Variants in PCSK5 observed in about 807,000 individuals in gnomAD.
The protein encoded by PCSK5 is proprotein convertase subtilisin/kexin type 5.
In PCSK5, 129 loss-of-function variants were observed where a neutral mutation model predicts 233.2. The observed-to-expected ratio is 0.55, with a 90% CI of 0.48 to 0.64. The LOEUF is 0.64. PCSK5 is among the 30% of genes least tolerant of loss of function. The pLI, the probability that PCSK5 is intolerant of heterozygous loss-of-function variation, is 0.00. For missense variants in PCSK5, 2,076 were observed against 2,430.1 expected (o/e 0.85, Z 3.06); for synonymous variants, 825 against 879.2 (o/e 0.94, Z 1.09).
At chr9:76,140,431 A>G (rs1823163149) in intron 10 of PCSK5, among the ~76,000 whole-genome samples, 1 of 152,086 alleles carries the variant, frequency 6.6e-6, no homozygotes, top group Non-Finnish European at 1.5e-5. Flanking sequence ...ATTGAATGAA[A>G]AGTGCTTTGA....
chr9:76,333,480 A>C (rs1829592567), intron 34 of PCSK5, among the ~76,000 whole-genome samples: 1 of 152,248 alleles, frequency 6.6e-6, no homozygotes, highest in Non-Finnish European at 1.5e-5. Flanking sequence ...TTTTGTTATC[A>C]TAAACAACGT....
chr9:76,047,252 A>G lies in PCSK5; in HGVS notation c.632+20215A>G, dbSNP rs937924235. Reference sequence around the variant, plus strand: ...GCTGGGACTACAGGCGCCCGCCACCATGCCCAGCTAACTTTTTGTATTTTT... The same window carrying G: ...GCTGGGACTACAGGCGCCCGCCACCGTGCCCAGCTAACTTTTTGTATTTTT... On this transcript the variant is annotated intron_variant, in intron 5 of 37. Coordinates refer to ENST00000674117, the MANE Select transcript of PCSK5 (RefSeq NM_001372043.1). Among the ~76,000 whole-genome samples the G allele has an allele frequency of 5.9e-5, 9 of 151,978 alleles. No individual in the cohort carries two copies. In the South Asian group the frequency reaches 1.9e-3, roughly 32 times the overall value.
At chr9:76,353,555 GA>G (rs1830221768) in intron 36 of PCSK5, among the ~76,000 whole-genome samples, 1 of 152,206 alleles carries the variant, frequency 6.6e-6, no homozygotes, top group East Asian at 1.9e-4. Flanking sequence ...TAGAAGAGTG[GA>G]AAGAGGGGTC....
At chr9:75,903,327 T>C (rs1004762165) in intron 1 of PCSK5, among the ~76,000 whole-genome samples, 1 of 151,980 alleles carries the variant, frequency 6.6e-6, no homozygotes, top group African/African-American at 2.4e-5. Context: ...AATCTGATTG[T>C]TAATTGAGGT....
chr9:76,317,064 A>G (rs1172492821), intron 30 of PCSK5, among the ~76,000 whole-genome samples: 1 of 152,114 alleles, frequency 6.6e-6, no homozygotes, highest in Non-Finnish European at 1.5e-5. Context: ...TCTTACCTGA[A>G]ACTATATCAG....
At chr9:76,153,076 A>G (rs995648864) in intron 10 of PCSK5, among the ~76,000 whole-genome samples, 1 of 152,292 alleles carries the variant, frequency 6.6e-6, no homozygotes, top group Middle Eastern at 3.4e-3. Context: ...TATGTGCATA[A>G]ATGAGCCTAT....
chr9:76,072,771 C>T (rs1041177714), intron 7 of PCSK5, among the ~76,000 whole-genome samples: 1 of 152,134 alleles, frequency 6.6e-6, no homozygotes, highest in Non-Finnish European at 1.5e-5. Flanking sequence ...CTCCCGTGCC[C>T]CATCCCCAAG....
At chr9:76,278,497 C>A (rs146679430) in intron 24 of PCSK5, among the ~76,000 whole-genome samples, 1 of 150,790 alleles carries the variant, frequency 6.6e-6, no homozygotes, top group Non-Finnish European at 1.5e-5. Flanking sequence ...ATACATGACC[C>A]AAATGATGTC....
At chr9:76,132,852 C>T (rs112710550) in intron 9 of PCSK5, among the ~76,000 whole-genome samples, 3 of 152,110 alleles carry the variant, frequency 2.0e-5, no homozygotes, top group Non-Finnish European at 2.9e-5. Context: ...TCACTAGACC[C>T]CTTCTTACTA....
At chr9:75,980,084 A>G (rs1216279155) in intron 2 of PCSK5, among the ~76,000 whole-genome samples, 3 of 152,252 alleles carry the variant, frequency 2.0e-5, no homozygotes, top group Non-Finnish European at 4.4e-5. Flanking sequence ...AACTGAAGAA[A>G]AGAAACAAGC....
chr9:76,171,669 C>T (rs911698221), intron 13 of PCSK5, among the ~76,000 whole-genome samples: 1 of 152,136 alleles, frequency 6.6e-6, no homozygotes, highest in Non-Finnish European at 1.5e-5. Flanking sequence ...TACAGTAGCT[C>T]AGATAATCTA....
intron 3 of PCSK5, among the ~76,000 whole-genome samples, chr9:76,000,763 CT>C (rs779344740): frequency 1.3e-5 from 2 of 152,194 alleles, no homozygotes; most frequent in Non-Finnish European, 2.9e-5. Flanking sequence ...ACTGCCCCAT[CT>C]TTGGCTAGAG....
intron 5 of PCSK5, among the ~76,000 whole-genome samples, chr9:76,055,162 C>T (rs893711400): frequency 1.3e-5 from 2 of 152,062 alleles, no homozygotes; most frequent in Non-Finnish European, 2.9e-5. Context: ...AAAGTTCATG[C>T]TTAAGATTAT....
At chr9:76,224,095 A>AAGGT (rs1231055010) in intron 20 of PCSK5, among the ~76,000 whole-genome samples, 5 of 152,250 alleles carry the variant, frequency 3.3e-5, no homozygotes, top group Non-Finnish European at 7.3e-5. Flanking sequence ...TGACGCTCTT[A>AAGGT]CATAAGCTTC....
At chr9:75,960,448 G>A (rs1825299713) in intron 2 of PCSK5, among the ~76,000 whole-genome samples, 1 of 152,080 alleles carries the variant, frequency 6.6e-6, no homozygotes, top group Non-Finnish European at 1.5e-5. Context: ...GAAGAAGCAA[G>A]ACAAGAGAGA....
chr9:75,892,100 G>A (rs1366541372), intron 1 of PCSK5, among the ~76,000 whole-genome samples: 1 of 152,204 alleles, frequency 6.6e-6, no homozygotes, highest in East Asian at 1.9e-4. Context: ...GGGAAAACGA[G>A]GAGTCTTACC....
intron 35 of PCSK5, among the ~76,000 whole-genome samples, chr9:76,340,639 CAAA>C (rs57319222): frequency 3.1e-5 from 3 of 95,386 alleles, no homozygotes; most frequent in Non-Finnish European, 2.0e-5. Flanking sequence ...ACGAGACTGT[CAAA>C]AAAAAAAAAA....
At chr9:75,927,695 G>A (rs536135410) in intron 1 of PCSK5, among the ~76,000 whole-genome samples, 3 of 152,262 alleles carry the variant, frequency 2.0e-5, no homozygotes, top group Admixed American at 6.5e-5. Flanking sequence ...GTGTTAACAC[G>A]TGGGTCTCAG....
intron 9 of PCSK5, among the ~76,000 whole-genome samples, chr9:76,112,107 G>C (rs1233773319): frequency 6.6e-6 from 1 of 152,072 alleles, no homozygotes; most frequent in African/African-American, 2.4e-5. Context: ...CAAAAATTAA[G>C]TTCATCAAAG....
Sources: allele counts gnomAD v4.1 joint callset (sites outside exome capture counted in the v4.1 genomes callset), GRCh38; gene constraint gnomAD v4.1.1; transcripts MANE v1.5; gene names NCBI Gene and HGNC (gene_info 2026-07-23, HGNC 2026-07-21).